GRM7: variants seen among roughly 807,000 people sequenced by gnomAD.
GRM7 encodes metabotropic glutamate receptor 7.
A neutral mutation model predicts 84.5 loss-of-function variants in GRM7; 35 were observed. That is an observed-to-expected ratio of 0.41 (90% CI 0.32 to 0.55). The LOEUF is 0.55. GRM7 is among the 20% of genes least tolerant of loss of function. The pLI is 0.19. For missense variants in GRM7, 1,003 were observed against 1,194.6 expected (o/e 0.84, Z 2.36); for synonymous variants, 487 against 455.1 (o/e 1.07, Z -0.89).
intron 2 of GRM7, among the ~76,000 whole-genome samples, chr3:7,282,218 A>G (rs1014140342): frequency 6.6e-6 from 1 of 152,228 alleles, no homozygotes; most frequent in Admixed American, 6.5e-5. Flanking sequence ...TTCACTTACA[A>G]TCAATGGCTT....
At chr3:7,206,320 G>A (rs1352463579) in intron 2 of GRM7, among the ~76,000 whole-genome samples, 3 of 152,182 alleles carry the variant, frequency 2.0e-5, no homozygotes, top group African/African-American at 7.2e-5. Context: ...TAACTAAAAT[G>A]AAGCTGAGGG....
intron 4 of GRM7, among the ~76,000 whole-genome samples, chr3:7,378,698 A>T (rs1318450153): frequency 3.3e-5 from 5 of 152,142 alleles, no homozygotes; most frequent in Non-Finnish European, 7.3e-5. Context: ...TATTAATATA[A>T]TAAAATCTTA....
chr3:7,294,951 C>T (rs1471797896), intron 2 of GRM7, among the ~76,000 whole-genome samples: 1 of 152,190 alleles, frequency 6.6e-6, no homozygotes, highest in Non-Finnish European at 1.5e-5. Context: ...AACCAAGTGT[C>T]TGGCTTGTGC....
intron 7 of GRM7, among the ~76,000 whole-genome samples, chr3:7,498,776 A>G (rs1226781993): frequency 6.6e-6 from 1 of 152,212 alleles, no homozygotes; most frequent in East Asian, 1.9e-4. Context: ...TTTTTGCCCC[A>G]TATAAAAATG....
Position 6,863,709 on chromosome 3 carries a change from G to C in GRM7, c.519+1802G>C, listed in dbSNP as rs148930899. ...AGTGCAGCGGGAGAGGATGAGGTCA[G>C]AGACATTACCTGAGAACCACTGGGG... On this transcript the variant is annotated intron_variant, in intron 1 of 9. Coordinates refer to ENST00000357716, the MANE Select transcript of GRM7 (RefSeq NM_000844.4). The surrounding 1 kb of genome is among the most constrained non-coding windows in gnomAD (Gnocchi z 4.8). Among the ~76,000 whole-genome samples the C allele has an allele frequency of 3.2e-3, 480 of 152,314 alleles. 3 individuals are homozygous for C. The highest frequency in any genetic ancestry group is 0.011 in the African/African-American group (459 of 41,566).
intron 4 of GRM7, among the ~76,000 whole-genome samples, chr3:7,341,034 A>G (rs1010735904): frequency 3.3e-5 from 5 of 152,158 alleles, no homozygotes; most frequent in African/African-American, 1.2e-4. Context: ...TAAGGCTATA[A>G]GTGAAGAAAG....
chr3:7,309,296 CTA>C (rs1464449065), intron 4 of GRM7, among the ~76,000 whole-genome samples: 5 of 151,824 alleles, frequency 3.3e-5, no homozygotes, highest in Non-Finnish European at 5.9e-5. Context: ...CTGAACAAAA[CTA>C]TGAAATAATC....
intron 6 of GRM7, among the ~76,000 whole-genome samples, chr3:7,453,802 A>T (rs755573396): frequency 6.6e-6 from 1 of 152,144 alleles, no homozygotes; most frequent in Non-Finnish European, 1.5e-5. Context: ...TAATACTAAT[A>T]GGCTAAGCGG....
intron 2 of GRM7, among the ~76,000 whole-genome samples, chr3:7,223,084 T>C (rs1432625480): frequency 6.6e-6 from 1 of 152,210 alleles, no homozygotes; most frequent in Non-Finnish European, 1.5e-5. Flanking sequence ...TCTTGAAATG[T>C]ATATGTTGAC....
Position 6,985,264 on chromosome 3 carries a change from T to C in GRM7, c.519+123357T>C, listed in dbSNP as rs968703732. Among the ~76,000 whole-genome samples the C allele has an allele frequency of 1.6e-4, 25 of 152,318 alleles. 1 individual carries two copies. The highest frequency in any genetic ancestry group is 3.4e-3 in the Middle Eastern group (1 of 294). On this transcript the variant is annotated intron_variant, in intron 1 of 9. Coordinates refer to ENST00000357716, the MANE Select transcript of GRM7 (RefSeq NM_000844.4). ...ATTTTAAAATGTACAATTAAGTTATTGATTGTAGTCACTCTGTTTTGGTAT... is the reference window on the plus strand; with the variant it reads ...ATTTTAAAATGTACAATTAAGTTATCGATTGTAGTCACTCTGTTTTGGTAT...
At chr3:7,260,070 C>G (rs1324779568) in intron 2 of GRM7, among the ~76,000 whole-genome samples, 2 of 149,060 alleles carry the variant, frequency 1.3e-5, no homozygotes, top group African/African-American at 4.9e-5. Flanking sequence ...CTTTCATGTG[C>G]TTTTTGGCCA....
In GRM7 at chr3:6,861,873, C is replaced by T; in HGVS notation, c.485C>T (p.Ser162Phe). ...ATTGGGGCTTCGGGGAGTTCGGTCT[C>T]CATCATGGTAGCCAACATCCTGAGG... Reference protein sequence around the residue: ...GVIGASGSSVSIMVANILRLF... With the variant: ...GVIGASGSSVFIMVANILRLF... The change falls in exon 1 of 10, where the codon TCC becomes TTC. Residue 162 changes from serine to phenylalanine, a missense_variant. Coordinates refer to ENST00000357716, the MANE Select transcript of GRM7 (RefSeq NM_000844.4). This position sits in a 1 kb window ranked among gnomAD's most constrained non-coding sequence, Gnocchi z 6.4. 1 of 1,613,456 alleles carries T rather than the reference C, an allele frequency of 6.2e-7. No homozygotes were observed. Among genetic ancestry groups the T allele is most frequent in the Non-Finnish European group, 8.5e-7 (1 of 1,179,620 alleles).
At chr3:7,448,207 C>CA (rs1382285717) in intron 5 of GRM7, among the ~76,000 whole-genome samples, 1 of 151,184 alleles carries the variant, frequency 6.6e-6, no homozygotes, top group Non-Finnish European at 1.5e-5. Context: ...CCGCAATAAA[C>CA]ATACATGTGC....
intron 1 of GRM7, among the ~76,000 whole-genome samples, chr3:6,922,499 G>A (rs1697161114): frequency 1.3e-5 from 2 of 152,116 alleles, no homozygotes; most frequent in African/African-American, 4.8e-5. Flanking sequence ...CTGTCAAATA[G>A]CTTTCTTGAA....
At chr3:7,388,063 A>G (rs1482046134) in intron 4 of GRM7, among the ~76,000 whole-genome samples, 1 of 152,032 alleles carries the variant, frequency 6.6e-6, no homozygotes, top group African/African-American at 2.4e-5. Flanking sequence ...TATAAATGGA[A>G]TTGTGTTCTT....
intron 7 of GRM7, among the ~76,000 whole-genome samples, chr3:7,562,577 A>C (rs1287641292): frequency 6.6e-6 from 1 of 152,138 alleles, no homozygotes; most frequent in Non-Finnish European, 1.5e-5. Context: ...CCAAGAACAA[A>C]GAAAGCCTGA....
intron 1 of GRM7, among the ~76,000 whole-genome samples, chr3:7,055,701 A>G (rs139392758): frequency 4.1e-3 from 618 of 151,854 alleles, no homozygotes; most frequent in Middle Eastern, 0.01. Flanking sequence ...TTGTATTTCT[A>G]GTAGAGACAG....
intron 9 of GRM7, chr3:7,686,356 G>T (rs1297044120): frequency 8.0e-7 from 1 of 1,243,188 alleles, no homozygotes; most frequent in Non-Finnish European, 1.2e-6. Context: ...TTTTCCTGTA[G>T]ACTGTATACC....
Position 7,680,126 on chromosome 3 carries a change from G to A in GRM7, c.2529G>A (p.Pro843=), listed in dbSNP as rs563562868. Reference sequence around the variant, plus strand: ...TGGCGCTGGGGATGCTATACATGCCGAAAGTGTACATCATCATTTTCCACC... The same window carrying A: ...TGGCGCTGGGGATGCTATACATGCCAAAAGTGTACATCATCATTTTCCACC... ...ASVALGMLYM[P]KVYIIIFHPE... Residue 843 remains proline (P), a synonymous_variant, in exon 9 of 10, where the codon CCG becomes CCA. Transcript: ENST00000357716. 3.2e-5 allele frequency: 51 copies of A among 1,613,960 alleles called. No homozygotes were observed. The highest frequency in any genetic ancestry group is 2.4e-4 in the South Asian group (22 of 91,072).
Sources: gnomAD v4.1 joint callset for allele counts (sites outside exome capture counted in the v4.1 genomes callset) on GRCh38, gnomAD v4.1.1 for gene constraint, Gnocchi (gnomAD v3.1) non-coding constraint, MANE v1.5 for transcripts, NCBI Gene and HGNC (gene_info 2026-07-23, HGNC 2026-07-21) for gene names.